Variants in ALPL observed in about 807,000 individuals in gnomAD.
ALPL encodes alkaline phosphatase, biomineralization associated, also known as alkaline phosphatase, tissue-nonspecific isozyme.
ALPL carries 42 observed loss-of-function variants against 51.3 expected under a neutral mutation model. The observed-to-expected ratio is 0.82, with a 90% CI of 0.64 to 1.06. The LOEUF (loss-of-function observed/expected upper bound fraction) is 1.06. ALPL is among the 50% of genes least tolerant of loss of function. The pLI is 0.00. For missense variants in ALPL, 589 were observed against 709.4 expected (o/e 0.83, Z 1.93); for synonymous variants, 279 against 296.4 (o/e 0.94, Z 0.60).
chr1:21,520,651 CG>C (rs1643874313), intron 1 of ALPL, among the ~76,000 whole-genome samples: 2 of 151,844 alleles, frequency 1.3e-5, no homozygotes, highest in African/African-American at 2.4e-5. Context: ...ATAGTAGACA[CG>C]GGGTTTCACC....
intron 1 of ALPL, among the ~76,000 whole-genome samples, chr1:21,518,502 C>G (rs1643843376): frequency 6.6e-6 from 1 of 152,004 alleles, no homozygotes; most frequent in Non-Finnish European, 1.5e-5. Context: ...ATAAATAACT[C>G]TTATTACTAC....
chr1:21,542,757 G>C (rs1263959869), intron 1 of ALPL, among the ~76,000 whole-genome samples: 2 of 152,210 alleles, frequency 1.3e-5, no homozygotes, highest in Non-Finnish European at 2.9e-5. Flanking sequence ...AGAATCGCTT[G>C]AACTCTGAAG....
chr1:21,516,037 C>A (rs72874249), intron 1 of ALPL, among the ~76,000 whole-genome samples: 20,199 of 152,104 alleles, frequency 0.13, 1,545 homozygotes, highest in African/African-American at 0.19. Flanking sequence ...CGCCACCACG[C>A]CCCGCTAATT....
At chr1:21,565,848 G>GATAA (rs1553412858) in intron 6 of ALPL, among the ~76,000 whole-genome samples, 3 of 151,120 alleles carry the variant, frequency 2.0e-5, no homozygotes, top group Admixed American at 6.6e-5. Context: ...AAAGAAAGAA[G>GATAA]AGAAAGAAAG....
intron 2 of ALPL, among the ~76,000 whole-genome samples, chr1:21,559,014 C>T (rs1644449634): frequency 6.6e-6 from 1 of 152,186 alleles, no homozygotes; most frequent in African/African-American, 2.4e-5. Context: ...GCATCTCGCC[C>T]AGAGCCAGTG....
intron 1 of ALPL, among the ~76,000 whole-genome samples, chr1:21,517,455 G>A (rs1643821549): frequency 6.6e-6 from 1 of 152,152 alleles, no homozygotes; most frequent in Admixed American, 6.5e-5. Context: ...GCACCTTGTG[G>A]TACACATTTG....
rs780478066 is a variant in ALPL, at chr1:21,576,566, G to T, written c.1234G>T (p.Ala412Ser). The change falls in exon 11 of 12, where the codon GCC becomes TCC. Residue 412 changes from alanine (A) to serine (S), a missense_variant. By Grantham distance (99) the Ala-to-Ser change is moderately conservative (BLOSUM62 1). Transcript: ENST00000374840. ...TGACACAGACAAGAAGCCCTTCACT[G>T]CCATCCTGTATGGCAATGGGCCTGG... Reference protein sequence around the residue: ...LSDTDKKPFTAILYGNGPGYK... With the variant: ...LSDTDKKPFTSILYGNGPGYK... 6.2e-7 allele frequency: 1 copy of T among 1,613,968 alleles called. No individual in the cohort carries two copies. Among genetic ancestry groups the T allele is most frequent in the Non-Finnish European group, 8.5e-7 (1 of 1,179,930 alleles).
At chr1:21,528,720 CT>C (rs1366903473) in intron 1 of ALPL, among the ~76,000 whole-genome samples, 1 of 151,950 alleles carries the variant, frequency 6.6e-6, no homozygotes, top group East Asian at 1.9e-4. Flanking sequence ...TCCAATTTAC[CT>C]TTTTTTTCTT....
chr1:21,566,249 G>T (rs1644562719), intron 6 of ALPL, among the ~76,000 whole-genome samples: 1 of 152,152 alleles, frequency 6.6e-6, no homozygotes, highest in Non-Finnish European at 1.5e-5. Flanking sequence ...CTTTCCTCCT[G>T]TGATGGGTCT....
At chr1:21,542,592 G>C (rs950966375) in intron 1 of ALPL, among the ~76,000 whole-genome samples, 4 of 152,100 alleles carry the variant, frequency 2.6e-5, no homozygotes, top group African/African-American at 2.4e-5. Flanking sequence ...CTGTAATCCC[G>C]GTGCTTTGGG....
chr1:21,564,215 A>ACGTGAGTG lies in ALPL; in HGVS notation c.648+1_648+8dup, dbSNP rs1441400299. ...CTCATGCATAACATCAGGGACATTGACGTGAGTGCTCGGGGGCAGCCGGGC... is the reference window on the plus strand; with the variant it reads ...CTCATGCATAACATCAGGGACATTGACGTGAGTGCGTGAGTGCTCGGGGGCAGCCGGGC... On this transcript the variant is annotated frameshift_variant and splice_region_variant, in exon 6 of 12. Transcript: ENST00000374840. LOFTEE classifies it high-confidence loss of function. The surrounding 1 kb of genome is among the most constrained non-coding windows in gnomAD (Gnocchi z 5.8). 4 of 1,613,456 alleles carry ACGTGAGTG rather than the reference A, an allele frequency of 2.5e-6. No homozygotes were observed. Among genetic ancestry groups the ACGTGAGTG allele is most frequent in the Non-Finnish European group, 3.4e-6 (4 of 1,179,932 alleles).
chr1:21,561,066 G>A (rs373665047), intron 3 of ALPL, 31 bp from the exon 4 acceptor site: 191 of 1,569,084 alleles, frequency 1.2e-4, no homozygotes, highest in Non-Finnish European at 1.5e-4. Flanking sequence ...GCAGGAGCAC[G>A]AGAGACTGAG....
At chr1:21,530,109 A>G (rs1001318976) in intron 1 of ALPL, among the ~76,000 whole-genome samples, 1 of 152,028 alleles carries the variant, frequency 6.6e-6, no homozygotes, top group Non-Finnish European at 1.5e-5. Flanking sequence ...TCATTGTGCT[A>G]TGGCTGGTAG....
At chr1:21,546,727 T>C (rs1644258255) in intron 1 of ALPL, among the ~76,000 whole-genome samples, 1 of 152,210 alleles carries the variant, frequency 6.6e-6, no homozygotes, top group Non-Finnish European at 1.5e-5. Context: ...ACCCCCAGAT[T>C]TGGGCTTAAA....
At chr1:21,529,492 A>G (rs1315268157) in intron 1 of ALPL, among the ~76,000 whole-genome samples, 1 of 152,152 alleles carries the variant, frequency 6.6e-6, no homozygotes, top group Non-Finnish European at 1.5e-5. Context: ...TTGGAATTCC[A>G]GTCATGAGCC....
chr1:21,568,051 G>A, intron 6 of ALPL, 53 bp from the exon 7 acceptor site: 2 of 1,613,124 alleles, frequency 1.2e-6, no homozygotes, highest in Non-Finnish European at 1.7e-6. Flanking sequence ...AGGTCACTGG[G>A]GCTTCTGGGC....
chr1:21,533,787 G>A (rs1644060613), intron 1 of ALPL, among the ~76,000 whole-genome samples: 1 of 152,070 alleles, frequency 6.6e-6, no homozygotes, highest in Non-Finnish European at 1.5e-5. Flanking sequence ...GCCAGGTGTG[G>A]TCGTGGGCGC....
chr1:21,511,262 A>G (rs16825455), intron 1 of ALPL, among the ~76,000 whole-genome samples: 28,210 of 152,156 alleles, frequency 0.19, 3,243 homozygotes, highest in African/African-American at 0.31. Context: ...TTAAGACGCA[A>G]TCACCTGTAA....
rs141318614 is a variant in ALPL, at chr1:21,554,871, TTCTCTC to T, written c.61+731_61+736del. Among the ~76,000 whole-genome samples the T allele has an allele frequency of 8.2e-3, 1,055 of 128,892 alleles. 7 individuals are homozygous for T. The highest frequency in any genetic ancestry group is 0.015 in the Middle Eastern group (4 of 260). 84.6% of individuals were successfully genotyped at this position (128,892 alleles called of 152,430 possible). A position where few individuals can be genotyped will look rare whatever the true frequency, so the allele number is the denominator to read the frequency against. ...TTTCTTTCTTTCTTTCTTTCTTTCT[TTCTCTC>T]TTTCTTTCTTTTTCTTTCTTTCTTT... On this transcript the variant is annotated intron_variant, in intron 2 of 11. Transcript: ENST00000374840.
Sources: gnomAD v4.1 joint callset for allele counts (sites outside exome capture counted in the v4.1 genomes callset) on GRCh38, gnomAD v4.1.1 for gene constraint, Gnocchi (gnomAD v3.1) non-coding constraint, MANE v1.5 for transcripts, NCBI Gene and HGNC (gene_info 2026-07-23, HGNC 2026-07-21) for gene names.